Variants in SGCD observed in about 807,000 individuals in gnomAD.
SGCD encodes sarcoglycan delta, also known as delta-sarcoglycan.
SGCD carries 18 observed loss-of-function variants against 36.6 expected under a neutral mutation model. The ratio of observed to expected loss-of-function variants is 0.49; its 90% CI spans 0.34 to 0.73. The LOEUF is 0.73. Among genes scored for constraint, SGCD ranks in the 30% least tolerant of loss-of-function variants. The pLI, the probability that SGCD is intolerant of heterozygous loss-of-function variation, is 0.01. For synonymous variants in SGCD, 133 were observed against 130.6 expected (o/e 1.02, Z -0.12); for missense variants, 387 against 346.7 (o/e 1.12, Z -0.92).
intron 3 of SGCD, among the ~76,000 whole-genome samples, chr5:156,315,912 T>G (rs1367155674): frequency 1.3e-5 from 2 of 151,970 alleles, no homozygotes; most frequent in Non-Finnish European, 2.9e-5. Flanking sequence ...TTACCAAGTT[T>G]TATGAGTTCT....
chr5:155,772,598 C>T, the SGCD span, among the ~76,000 whole-genome samples: 2 of 151,990 alleles, frequency 1.3e-5, no homozygotes, highest in Non-Finnish European at 2.9e-5. Flanking sequence ...TGGATTTTTC[C>T]AAATGAATGT....
chr5:155,861,576 G>C, the SGCD span, among the ~76,000 whole-genome samples: 1 of 152,110 alleles, frequency 6.6e-6, no homozygotes, highest in Non-Finnish European at 1.5e-5. Context: ...AAATTAGCTG[G>C]GTATGGTGGC....
At chr5:156,535,650 C>A (rs1758074647) in intron 4 of SGCD, among the ~76,000 whole-genome samples, 1 of 152,154 alleles carries the variant, frequency 6.6e-6, no homozygotes, top group African/African-American at 2.4e-5. Flanking sequence ...ATCATAGAGA[C>A]TGCCATGTTA....
At chr5:155,811,063 CGCCTCG>C in the SGCD span, among the ~76,000 whole-genome samples, 1 of 151,514 alleles carries the variant, frequency 6.6e-6, no homozygotes, top group Non-Finnish European at 1.5e-5. Context: ...GTGATCCGCC[CGCCTCG>C]GCCTCCCAAA....
At chr5:156,021,326 CA>C (rs1759091759) in intron 1 of SGCD, among the ~76,000 whole-genome samples, 1 of 152,132 alleles carries the variant, frequency 6.6e-6, no homozygotes, top group Non-Finnish European at 1.5e-5. Context: ...GCTGGAGGAA[CA>C]AGATAAGAGT....
chr5:155,741,184 T>C, the SGCD span, among the ~76,000 whole-genome samples: 2 of 152,192 alleles, frequency 1.3e-5, no homozygotes, highest in African/African-American at 4.8e-5. Context: ...GAAATGTTTA[T>C]AGTTAAGGGG....
chr5:155,791,397 G>A, the SGCD span, among the ~76,000 whole-genome samples: 2 of 152,234 alleles, frequency 1.3e-5, no homozygotes, highest in South Asian at 4.1e-4. Context: ...ACATAGTACT[G>A]GAAGTCCTAG....
At chr5:156,472,546 T>A (rs1354348976) in intron 3 of SGCD, among the ~76,000 whole-genome samples, 1 of 152,138 alleles carries the variant, frequency 6.6e-6, no homozygotes, top group Non-Finnish European at 1.5e-5. Context: ...GACTCCCAAG[T>A]AGCTGAGATT....
At chr5:156,656,306 C>T (rs928431698) in intron 7 of SGCD, among the ~76,000 whole-genome samples, 2 of 151,980 alleles carry the variant, frequency 1.3e-5, no homozygotes, top group South Asian at 2.1e-4. Flanking sequence ...GAAATGTCAC[C>T]GCCCAATACA....
At chr5:156,503,862 A>G (rs1037468971) in intron 3 of SGCD, among the ~76,000 whole-genome samples, 2 of 152,114 alleles carry the variant, frequency 1.3e-5, no homozygotes, top group Non-Finnish European at 2.9e-5. Context: ...TTGTTACTTA[A>G]GAGTTTTTTT....
intron 1 of SGCD, among the ~76,000 whole-genome samples, chr5:156,068,863 C>T (rs1760432841): frequency 1.3e-5 from 2 of 151,992 alleles, no homozygotes; most frequent in Non-Finnish European, 2.9e-5. Flanking sequence ...TTGCATTTCT[C>T]TGATAGCCAG....
At chr5:156,337,127 A>G (rs1423848543) in intron 2 of SGCD, among the ~76,000 whole-genome samples, 1 of 152,182 alleles carries the variant, frequency 6.6e-6, no homozygotes, top group African/African-American at 2.4e-5. Flanking sequence ...AAACAGTTTT[A>G]CCTAAAAACT....
At chr5:156,189,770 A>T (rs1763845196) in intron 3 of SGCD, among the ~76,000 whole-genome samples, 1 of 152,202 alleles carries the variant, frequency 6.6e-6, no homozygotes, top group South Asian at 2.1e-4. Context: ...CAAACAGAAG[A>T]ACATATCATT....
intron 3 of SGCD, among the ~76,000 whole-genome samples, chr5:156,195,218 A>G (rs1404176438): frequency 2.0e-5 from 3 of 152,210 alleles, no homozygotes; most frequent in African/African-American, 4.8e-5. Flanking sequence ...TCACAAAACC[A>G]TTACTGTGTT....
In SGCD at chr5:156,011,446, A is replaced by G. The variant is rs117448488; in HGVS notation, c.-281-106432A>G. Among the ~76,000 whole-genome samples, 13 of 149,172 alleles carry G rather than the reference A, an allele frequency of 8.7e-5. No individual in the cohort carries two copies. In the East Asian group the frequency reaches 2.4e-3, roughly 28 times the overall value. ...CATGAGAAATAATCTGCAGAATTCT[A>G]TTGTTTTTTTTTTTAGATGAGTCTC... is the stretch of plus-strand genomic sequence containing the variant. On this transcript the variant is annotated intron_variant, in intron 1 of 9. Coordinates refer to the SGCD transcript ENST00000517913.
At chr5:155,764,096 A>G in the SGCD span, among the ~76,000 whole-genome samples, 74 of 152,326 alleles carry the variant, frequency 4.9e-4, no homozygotes, top group East Asian at 9.8e-3. Flanking sequence ...CAGTCAGTAT[A>G]ATAATCTCTA....
intron 1 of SGCD, among the ~76,000 whole-genome samples, chr5:155,888,867 A>T (rs1756063887): frequency 6.6e-6 from 1 of 152,068 alleles, no homozygotes; most frequent in African/African-American, 2.4e-5. Context: ...CCCCTTGATT[A>T]TTCTAATGTC....
chr5:156,068,942 T>C (rs559555219), intron 1 of SGCD, among the ~76,000 whole-genome samples: 3 of 152,124 alleles, frequency 2.0e-5, no homozygotes, highest in Non-Finnish European at 2.9e-5. Context: ...TGTCTGTTCA[T>C]GTCCTTTGCC....
intron 7 of SGCD, among the ~76,000 whole-genome samples, chr5:156,720,248 T>C (rs1755428865): frequency 6.6e-6 from 1 of 152,020 alleles, no homozygotes; most frequent in Non-Finnish European, 1.5e-5. Flanking sequence ...ATATAACTAA[T>C]AAGCAAAGGT....
Sources: allele counts gnomAD v4.1 joint callset (sites outside exome capture counted in the v4.1 genomes callset), GRCh38; gene constraint gnomAD v4.1.1; transcripts MANE v1.5; gene names NCBI Gene and HGNC (gene_info 2026-07-23, HGNC 2026-07-21).